Variants in ZNF385D observed in about 807,000 individuals in gnomAD.
ZNF385D encodes zinc finger protein 659.
ZNF385D carries 15 observed loss-of-function variants against 35.8 expected under a neutral mutation model. That is an observed-to-expected ratio of 0.42 (90% CI 0.28 to 0.64). The LOEUF is 0.64. Among genes scored for constraint, ZNF385D ranks in the 30% least tolerant of loss-of-function variants. The probability of loss-of-function intolerance (pLI) is 0.23; values close to 1 mark genes in which losing one functional copy is unlikely to be tolerated. For missense variants in ZNF385D, 474 were observed against 494.6 expected, an observed-to-expected ratio of 0.96 and a Z score of 0.39; for synonymous variants, 212 against 186.8, an observed-to-expected ratio of 1.13 and a Z score of -1.10.
chr3:21,906,049 T>C (rs1238835780), intron 3 of ZNF385D, among the ~76,000 whole-genome samples: 1 of 152,194 alleles, frequency 6.6e-6, no homozygotes, highest in Non-Finnish European at 1.5e-5. Context: ...TTCAATTTCT[T>C]CTGCTTAGAA....
At chr3:22,144,201 C>A (rs987246013) in intron 3 of ZNF385D, among the ~76,000 whole-genome samples, 1 of 151,964 alleles carries the variant, frequency 6.6e-6, no homozygotes, top group Non-Finnish European at 1.5e-5. Context: ...ACTACAGAAC[C>A]AGGAGTTCAA....
intron 3 of ZNF385D, among the ~76,000 whole-genome samples, chr3:22,010,914 C>G (rs544238953): frequency 6.6e-6 from 1 of 152,214 alleles, no homozygotes; most frequent in South Asian, 2.1e-4. Context: ...CATCCTCCCA[C>G]CACTCACCCT....
chr3:21,795,611 T>A (rs995833006), intron 3 of ZNF385D, among the ~76,000 whole-genome samples: 7 of 152,214 alleles, frequency 4.6e-5, no homozygotes, highest in Non-Finnish European at 1.0e-4. Flanking sequence ...ATTGTGATAT[T>A]TCCATGGAAG....
intron 4 of ZNF385D, among the ~76,000 whole-genome samples, chr3:21,475,755 C>CA (rs1484674258): frequency 6.6e-6 from 1 of 151,998 alleles, no homozygotes; most frequent in Admixed American, 6.6e-5. Context: ...TACACTCATG[C>CA]AAAGCAAGTG....
In ZNF385D at chr3:21,937,743, G is replaced by T. The variant is rs1233484144; in HGVS notation, c.325+231074C>A. ...GAAAAAAATGTGTTTTCCTTTTAAT[G>T]ATAAGCAAAAATGTTTCAGTAATTT... On this transcript the variant is annotated intron_variant, in intron 3 of 5. Transcript: ENST00000494108. Among the ~76,000 whole-genome samples the T allele has an allele frequency of 2.0e-5, 3 of 152,018 alleles. No individual in the cohort carries two copies. In the East Asian group the frequency reaches 5.8e-4, roughly 29 times the overall value.
intron 2 of ZNF385D, among the ~76,000 whole-genome samples, chr3:22,229,010 C>T (rs1698728275): frequency 6.6e-6 from 1 of 152,186 alleles, no homozygotes; most frequent in Non-Finnish European, 1.5e-5. Flanking sequence ...GGACTGGCTT[C>T]CTTGCTCCTC....
At position 21,502,924 on chromosome 3, in the gene ZNF385D, T is replaced by C. The variant is rs371183052; in HGVS notation, c.439+7937A>G. On this transcript the variant is annotated intron_variant, in intron 4 of 7. Coordinates refer to ENST00000281523, the MANE Select transcript of ZNF385D (RefSeq NM_024697.3). The stretch of plus-strand genomic sequence containing the variant: ...GTGCCAAGACGTATGCAGTGGGTCT[T>C]TTATCATGACAGTTATTGTTCCAGT... Among the ~76,000 whole-genome samples the C allele has an allele frequency of 1.2e-4, 19 of 152,178 alleles. 2 individuals are homozygous for C. The highest frequency in any genetic ancestry group is 1.1e-3 in the Admixed American group (17 of 15,268).
intron 3 of ZNF385D, among the ~76,000 whole-genome samples, chr3:21,976,965 G>A (rs754756025): frequency 3.3e-5 from 5 of 152,106 alleles, no homozygotes; most frequent in Non-Finnish European, 7.3e-5. Context: ...GTCAGCCTGG[G>A]CCACAGAGCA....
chr3:21,932,578 G>A (rs560499955), intron 3 of ZNF385D, among the ~76,000 whole-genome samples: 3 of 152,040 alleles, frequency 2.0e-5, no homozygotes, highest in East Asian at 3.9e-4. Flanking sequence ...GGCTGATTAC[G>A]TGGGGAGACA....
chr3:21,648,204 T>A (rs2065809547), intron 2 of ZNF385D, among the ~76,000 whole-genome samples: 1 of 152,070 alleles, frequency 6.6e-6, no homozygotes. Context: ...CCCCATACTG[T>A]TCTTGTGATA....
chr3:22,254,767 C>T (rs563522968), intron 2 of ZNF385D, among the ~76,000 whole-genome samples: 36 of 151,834 alleles, frequency 2.4e-4, no homozygotes, highest in African/African-American at 8.0e-4. Context: ...AATAGTAACC[C>T]TTATTTTACT....
chr3:21,711,867 T>A (rs938435542), intron 1 of ZNF385D, among the ~76,000 whole-genome samples: 6 of 152,178 alleles, frequency 3.9e-5, no homozygotes, highest in African/African-American at 1.2e-4. Context: ...TGCATATCAT[T>A]AGGTGTGACA....
rs554601777 is a variant in ZNF385D, at chr3:22,184,718, T to G, written c.107-15683A>C. On this transcript the variant is annotated intron_variant, in intron 2 of 5. Coordinates refer to the ZNF385D transcript ENST00000494108. ...GGCAGGTACCTATAATCCCAGCTAC[T>G]CAGGAGGCTGAGGTAGGAAAATCGC... Among the ~76,000 whole-genome samples the G allele has an allele frequency of 3.3e-5, 5 of 152,232 alleles. No individual in the cohort carries two copies. The South Asian group carries it at 8.3e-4, about 25-fold the overall frequency.
At chr3:21,614,432 C>T (rs1448223151) in intron 2 of ZNF385D, among the ~76,000 whole-genome samples, 5 of 152,186 alleles carry the variant, frequency 3.3e-5, no homozygotes, top group Non-Finnish European at 1.5e-5. Flanking sequence ...CATTCACATT[C>T]AACATAGAGA....
chr3:22,159,186 A>G (rs1343346124), intron 3 of ZNF385D, among the ~76,000 whole-genome samples: 2 of 152,086 alleles, frequency 1.3e-5, no homozygotes, highest in Admixed American at 1.3e-4. Flanking sequence ...TAAGCTGCCA[A>G]TACCTTCAAG....
rs201716731 is a variant in ZNF385D at position 22,337,170 on chromosome 3, AT to A, written c.106+35279del. On this transcript the variant is annotated intron_variant, in intron 2 of 5. Transcript: ENST00000494108. ...AGTAAAGCTTAACTTTTTCCATGAG[AT>A]TTTTTTTTTAATGTGCTATGCTCAT... is the stretch of plus-strand genomic sequence containing the variant. 8.5e-3 allele frequency among the ~76,000 whole-genome samples: 1,264 copies of A among 149,566 alleles called. 7 individuals carry two copies. The highest frequency in any genetic ancestry group is 0.031 in the East Asian group (159 of 5,126).
intron 3 of ZNF385D, among the ~76,000 whole-genome samples, chr3:21,819,619 T>C (rs1248870180): frequency 7.0e-6 from 1 of 142,448 alleles, no homozygotes; most frequent in African/African-American, 2.6e-5. Context: ...GTTATATATG[T>C]ATGTATTATA....
intron 3 of ZNF385D, among the ~76,000 whole-genome samples, chr3:22,015,583 TCA>T (rs1696835067): frequency 6.6e-6 from 1 of 152,080 alleles, no homozygotes; most frequent in Non-Finnish European, 1.5e-5. Context: ...CCCACATCTC[TCA>T]GTTTGGAAAT....
At chr3:21,483,885 A>G (rs200078433) in intron 4 of ZNF385D, among the ~76,000 whole-genome samples, 10 of 152,278 alleles carry the variant, frequency 6.6e-5, no homozygotes, top group East Asian at 1.9e-4. Context: ...TTTGCAGACC[A>G]TAAGTTTTTA....
Sources: gnomAD v4.1 joint callset for allele counts (sites outside exome capture counted in the v4.1 genomes callset) on GRCh38, gnomAD v4.1.1 for gene constraint, MANE v1.5 for transcripts, NCBI Gene and HGNC (gene_info 2026-07-23, HGNC 2026-07-21) for gene names.